Variants in MYLK3 observed in about 807,000 individuals in gnomAD.
MYLK3 encodes the protein MLC kinase.
Under a neutral mutation model 76.3 loss-of-function variants are expected in MYLK3, and 55 were observed. That is an observed-to-expected ratio of 0.72 (90% confidence interval 0.58 to 0.90). The LOEUF (loss-of-function observed/expected upper bound fraction) is 0.90. Ranked by LOEUF, MYLK3 falls within the 40% of genes least tolerant of loss-of-function variation. MYLK3 has a pLI of 0.00. For missense variants in MYLK3, 973 were observed against 1,053.6 expected (o/e 0.92, Z 1.06); for synonymous variants, 416 against 425.4 (o/e 0.98, Z 0.27).
At chr16:46,736,453 G>A (rs1461468144) in intron 3 of MYLK3, among the ~76,000 whole-genome samples, 1 of 152,166 alleles carries the variant, frequency 6.6e-6, no homozygotes, top group Non-Finnish European at 1.5e-5. Flanking sequence ...AGGTCTGCTG[G>A]GCCTGAATTC....
intron 3 of MYLK3, 131 bp downstream of exon 3, chr16:46,737,580 G>A: frequency 1.2e-6 from 1 of 858,022 alleles, no homozygotes; most frequent in Non-Finnish European, 1.8e-6. Flanking sequence ...GCAGGGCCCA[G>A]GCCTCCTCCC....
intron 1 of MYLK3, among the ~76,000 whole-genome samples, chr16:46,754,143 G>C (rs1382714909): frequency 6.6e-6 from 1 of 152,108 alleles, no homozygotes; most frequent in Non-Finnish European, 1.5e-5. Context: ...ACATGTGCAG[G>C]AGAGAAAGCT....
chr16:46,740,057 C>A lies in MYLK3; in HGVS notation c.568G>T (p.Glu190Ter), dbSNP rs867036347. 6.2e-7 allele frequency: 1 copy of A among 1,608,876 alleles called. No homozygotes were observed. Among genetic ancestry groups the A allele is most frequent in the Non-Finnish European group, 8.5e-7 (1 of 1,176,658 alleles). The change falls in exon 2 of 13, where the codon GAG becomes TAG. Residue 190 changes from glutamate to a stop codon, truncating the protein, a stop_gained and splice_region_variant. Transcript: ENST00000394809. LOFTEE classifies it high-confidence loss of function. ...VQSDAREPGE[E>*]SQKADVLEGT... The stretch of plus-strand genomic sequence containing the variant: ...ATAAAGCAAATGGGGTCCCACTCAC[C>A]TTCCCCAGGCTCCCTGGCATCAGAC...
chr16:46,747,908 G>T lies in MYLK3; in HGVS notation c.286C>A (p.Leu96Met). The T allele has an allele frequency of 6.2e-7, 1 of 1,613,838 alleles. No homozygotes were observed. The highest frequency in any genetic ancestry group is 8.5e-7 in the Non-Finnish European group (1 of 1,179,938). Residue 96 changes from leucine to methionine, a missense_variant, in exon 1 of 13, where the codon CTG becomes ATG. Leu to Met is a conservative substitution (Grantham distance 15). Transcript: ENST00000394809. Reference sequence around the variant, plus strand: ...GCATCCTGCTGCATGGCCCTCACCAGCTCCAGGACCTCGGGCCACCCAGCC... The same window carrying T: ...GCATCCTGCTGCATGGCCCTCACCATCTCCAGGACCTCGGGCCACCCAGCC... ...TQAGWPEVLE[L>M]VRAMQQDAAQ...
intron 4 of MYLK3, among the ~76,000 whole-genome samples, chr16:46,731,615 G>GGAGGGGTT (rs1227821596): frequency 6.6e-6 from 1 of 152,290 alleles, no homozygotes; most frequent in African/African-American, 2.4e-5. Flanking sequence ...CCCTAGGGCT[G>GGAGGGGTT]GAGGGGTTGA....
chr16:46,720,683 T>C (rs1368154638), intron 9 of MYLK3, among the ~76,000 whole-genome samples: 3 of 152,178 alleles, frequency 2.0e-5, no homozygotes, highest in South Asian at 2.1e-4. Flanking sequence ...CACCTACCCA[T>C]GGCGCCACCC....
At chr16:46,741,770 ATTTT>A (rs11314898) in intron 1 of MYLK3, among the ~76,000 whole-genome samples, 2 of 134,062 alleles carry the variant, frequency 1.5e-5, no homozygotes. Context: ...TGGGCTTGCA[ATTTT>A]TTTTTTTTTT....
chr16:46,709,534 A>T lies in MYLK3; in HGVS notation c.2400+5T>A. On this transcript the variant is annotated splice_donor_5th_base_variant and intron_variant, in intron 12 of 12. Transcript: ENST00000394809. ...TCCACCTTTACTAAGAGAAAAACCA[A>T]ATACCTTCCATTTTCTTTGAGCTAT... The T allele has an allele frequency of 6.2e-7, 1 of 1,613,264 alleles. No homozygotes were observed. The highest frequency in any genetic ancestry group is 1.1e-5 in the South Asian group (1 of 90,800).
intron 9 of MYLK3, among the ~76,000 whole-genome samples, chr16:46,719,770 A>G (rs949549422): frequency 3.9e-5 from 6 of 152,232 alleles, no homozygotes; most frequent in Non-Finnish European, 8.8e-5. Context: ...AAAAGTGAGT[A>G]TGTGACAGTG....
chr16:46,732,546 G>T lies in MYLK3; in HGVS notation c.1124C>A (p.Pro375Gln). 6.2e-7 allele frequency: 1 copy of T among 1,601,882 alleles called. No homozygotes were observed. Residue 375 changes from proline to glutamine, a missense_variant, in exon 4 of 13, where the codon CCA (proline) becomes CAA (glutamine). Coordinates refer to ENST00000394809, the MANE Select transcript of MYLK3 (RefSeq NM_182493.3). ...PAAAQPGKQG[P>Q]PGTGRCLQAP... is the part of the protein sequence containing the mutation. ...TTGGAGGCAGCGCCCGGTCCCAGGT[G>T]GGCCCTGCTTGCCTGGCTGGGCAGC... is the stretch of plus-strand genomic sequence containing the variant.
intron 8 of MYLK3, 66 bp from the exon 9 acceptor site, chr16:46,721,259 T>G (rs761704316): frequency 2.4e-5 from 34 of 1,445,390 alleles, no homozygotes; most frequent in Non-Finnish European, 3.1e-5. Context: ...GCCACACTTG[T>G]CTATAGGCCT....
At chr16:46,709,408 C>CAAG in intron 12 of MYLK3, 131 bp downstream of exon 12, 1 of 1,018,150 alleles carries the variant, frequency 9.8e-7, no homozygotes, top group Non-Finnish European at 1.4e-6. Context: ...GGCAACAGAG[C>CAAG]AAGACCCTGT....
chr16:46,742,343 G>A (rs1303475654), intron 1 of MYLK3, among the ~76,000 whole-genome samples: 4 of 151,972 alleles, frequency 2.6e-5, no homozygotes, highest in African/African-American at 9.7e-5. Context: ...TATCACATGA[G>A]GTCAGGAGTT....
upstream of MYLK3, among the ~76,000 whole-genome samples, chr16:46,748,709 A>G (rs943639734): frequency 1.3e-5 from 2 of 152,216 alleles, no homozygotes; most frequent in African/African-American, 4.8e-5. The surrounding 1 kb of genome is among the most constrained non-coding windows in gnomAD (Gnocchi z 4.3). Flanking sequence ...CAAGACAGAA[A>G]GGAATGTGAG....
Position 46,723,995 on chromosome 16 carries a change from G to A in MYLK3, c.1915-2802C>T, listed in dbSNP as rs934038515. 5.9e-5 allele frequency among the ~76,000 whole-genome samples: 9 copies of A among 152,296 alleles called. No homozygotes were observed. In the South Asian group the frequency reaches 1.2e-3, roughly 21 times the overall value. ...TCATTTTTACTTTTTATTGTAGTCA[G>A]TCTAGTGGATATGAAATAGTATCTC... On this transcript the variant is annotated intron_variant, in intron 8 of 12. Coordinates refer to ENST00000394809, the MANE Select transcript of MYLK3 (RefSeq NM_182493.3).
chr16:46,719,094 C>T (rs1488775513), intron 9 of MYLK3, among the ~76,000 whole-genome samples: 1 of 151,708 alleles, frequency 6.6e-6, no homozygotes, highest in East Asian at 2.0e-4. Flanking sequence ...CTTTGGGAGG[C>T]CAGGCAGGCG....
At chr16:46,719,856 A>ATT in intron 9 of MYLK3, among the ~76,000 whole-genome samples, 1 of 152,240 alleles carries the variant, frequency 6.6e-6, no homozygotes, top group Non-Finnish European at 1.5e-5. Flanking sequence ...GGCTTCAGGC[A>ATT]TTTTAAGAGA....
intron 9 of MYLK3, among the ~76,000 whole-genome samples, chr16:46,717,679 A>G (rs1469138664): frequency 6.6e-6 from 1 of 150,852 alleles, no homozygotes; most frequent in Non-Finnish European, 1.5e-5. Flanking sequence ...TTCCAACTCC[A>G]CCTTCAGTGA....
intron 11 of MYLK3, among the ~76,000 whole-genome samples, 180 bp from the exon 12 acceptor site, chr16:46,709,851 A>G (rs1966665057): frequency 6.6e-6 from 1 of 152,200 alleles, no homozygotes; most frequent in Admixed American, 6.5e-5. Context: ...AAAGTGCCAG[A>G]AGGTCGTCAG....
Sources: allele counts gnomAD v4.1 joint callset (sites outside exome capture counted in the v4.1 genomes callset), GRCh38; gene constraint gnomAD v4.1.1; non-coding constraint Gnocchi (gnomAD v3.1); transcripts MANE v1.5; gene names NCBI Gene and HGNC (gene_info 2026-07-23, HGNC 2026-07-21).